Variants in TTC6 observed in about 807,000 individuals in gnomAD.
TTC6 encodes tetratricopeptide repeat domain 6.
TTC6 carries 172 observed loss-of-function variants against 210.4 expected under a neutral mutation model. That is an observed-to-expected ratio of 0.82 (90% CI 0.72 to 0.93). The LOEUF (loss-of-function observed/expected upper bound fraction) is 0.93, where lower values mean the gene tolerates loss of function less well. Ranked by LOEUF, TTC6 falls within the 40% of genes least tolerant of loss-of-function variation. The pLI is 0.00. For synonymous variants in TTC6, 804 were observed against 819.6 expected, an observed-to-expected ratio of 0.98 and a Z score of 0.32; for missense variants, 2,414 against 2,318.1, an observed-to-expected ratio of 1.04 and a Z score of -0.85.
intron 26 of TTC6, 148 bp downstream of exon 28, chr14:37,817,799 G>C: frequency 2.7e-6 from 2 of 738,790 alleles, no homozygotes; most frequent in Admixed American, 5.2e-5. Flanking sequence ...GGGACACAAA[G>C]AGTTCCCTGT....
At position 37,675,215 on chromosome 14, in the gene TTC6, C is replaced by T. The variant is rs142610048; in HGVS notation, c.940-4936C>T. Among the ~76,000 whole-genome samples, 161 of 152,218 alleles carry T rather than the reference C, an allele frequency of 1.1e-3. 2 individuals are homozygous for T. The East Asian group carries it at 0.03, about 28-fold the overall frequency. On this transcript the variant is annotated intron_variant, in intron 1 of 30. Coordinates refer to ENST00000553443, the Ensembl canonical transcript of TTC6. ...AAAAGGATACACTATACATGTTAAA[C>T]AGTCATTCGCCATTCCCTATACCCC...
At chr14:37,805,124 C>T (rs1286225167) in intron 21 of TTC6, among the ~76,000 whole-genome samples, 1 of 152,070 alleles carries the variant, frequency 6.6e-6, no homozygotes, top group Non-Finnish European at 1.5e-5. Flanking sequence ...TATGAGTTCA[C>T]TTATTAAATT....
intron 10 of TTC6, among the ~76,000 whole-genome samples, chr14:37,744,943 A>T (rs944586482): frequency 6.6e-6 from 1 of 152,084 alleles, no homozygotes; most frequent in Non-Finnish European, 1.5e-5. Flanking sequence ...GTTAGATTCT[A>T]GATAGATTTT....
chr14:37,643,519 T>C (rs1360806700), intron 1 of TTC6, among the ~76,000 whole-genome samples: 4 of 152,144 alleles, frequency 2.6e-5, no homozygotes, highest in African/African-American at 9.7e-5. Context: ...ATTGCTATGA[T>C]CACATGGCCA....
rs186836217 is a variant in TTC6, at chr14:37,822,238, T to C, written c.4764-1509T>C. On this transcript the variant is annotated intron_variant, in intron 26 of 30. Coordinates refer to ENST00000553443, the Ensembl canonical transcript of TTC6. Reference sequence around the variant, plus strand: ...CTTATGGTATTTAAATTAATTTGCTTTTAAAAATAAATATAGTTAAGTAAA... The same window carrying C: ...CTTATGGTATTTAAATTAATTTGCTCTTAAAAATAAATATAGTTAAGTAAA... Among the ~76,000 whole-genome samples, 29 of 152,314 alleles carry C rather than the reference T, an allele frequency of 1.9e-4. No homozygotes were observed. In the East Asian group the frequency reaches 4.6e-3, roughly 24 times the overall value.
chr14:37,680,206 C>T (rs1290885878), exon 2 of TTC6: 13 of 1,534,080 alleles, frequency 8.5e-6, no homozygotes, highest in Non-Finnish European at 1.1e-5. Flanking sequence ...CAAGCAGAAA[C>T]ACCTGAGATA....
intron 21 of TTC6, among the ~76,000 whole-genome samples, chr14:37,805,525 G>A (rs573181511): frequency 4.0e-4 from 61 of 151,662 alleles, no homozygotes; most frequent in African/African-American, 1.4e-3. Flanking sequence ...TGGTATAAAT[G>A]AAAAAAGAGG....
At chr14:37,662,687 T>C (rs1388216794) in intron 1 of TTC6, among the ~76,000 whole-genome samples, 1 of 152,178 alleles carries the variant, frequency 6.6e-6, no homozygotes, top group Non-Finnish European at 1.5e-5. Flanking sequence ...TCGCTTCTTG[T>C]TGTTAGCTTT....
At chr14:37,787,123 T>C (rs2096069604) in intron 14 of TTC6, among the ~76,000 whole-genome samples, 1 of 152,216 alleles carries the variant, frequency 6.6e-6, no homozygotes, top group African/African-American at 2.4e-5. Context: ...AGCAATTTTG[T>C]ATAAATTAGT....
Position 37,665,144 on chromosome 14 carries a change from C to T in TTC6, c.940-15007C>T, listed in dbSNP as rs537472286. ...ACCATTTGACCCAGCAATCCCATTA[C>T]GGGGTATATACCCAAAAGAATATAA... On this transcript the variant is annotated intron_variant, in intron 1 of 30. Transcript: ENST00000553443. Among the ~76,000 whole-genome samples the T allele has an allele frequency of 1.2e-3, 183 of 150,388 alleles. 14 individuals are homozygous for T. The Middle Eastern group carries it at 0.065, about 53-fold the overall frequency.
At chr14:37,727,426 C>T (rs926142675) in intron 7 of TTC6, among the ~76,000 whole-genome samples, 85 of 150,836 alleles carry the variant, frequency 5.6e-4, no homozygotes, top group Middle Eastern at 3.4e-3. Flanking sequence ...CCCGAGTAGC[C>T]GGGACTACAG....
In TTC6 at chr14:37,753,186, G is replaced by T. The variant is rs927742324; in HGVS notation, c.3217G>T (p.Glu1073Ter). 1.3e-6 allele frequency: 2 copies of T among 1,535,462 alleles called. No homozygotes were observed. Among genetic ancestry groups the T allele is most frequent in the Non-Finnish European group, 1.7e-6 (2 of 1,146,486 alleles). ...AAATGAAAACTGGTTTGCAGCCATA[G>T]AGGATTTTACAGCCTTGTTAAATAT... Residue 1073 changes from glutamate to a stop codon, truncating the protein, a stop_gained, in exon 14 of 31, where the codon GAG (glutamate) becomes TAG (stop). Transcript: ENST00000553443. LOFTEE classifies it high-confidence loss of function.
chr14:37,614,866 C>A (rs942976593), intron 2 of TTC6, among the ~76,000 whole-genome samples: 3 of 152,112 alleles, frequency 2.0e-5, no homozygotes, highest in Non-Finnish European at 4.4e-5. Context: ...CTTGCTTCAG[C>A]CTCCCACGTA....
At chr14:37,810,297 A>G (rs951238017) in intron 24 of TTC6, among the ~76,000 whole-genome samples, 13 of 152,250 alleles carry the variant, frequency 8.5e-5, no homozygotes, top group Admixed American at 8.5e-4. Context: ...AACCCTGAAT[A>G]GGAAAACAAT....
At chr14:37,816,923 C>T (rs1345332827) in intron 25 of TTC6, among the ~76,000 whole-genome samples, 1 of 152,146 alleles carries the variant, frequency 6.6e-6, no homozygotes, top group Non-Finnish European at 1.5e-5. Context: ...GGACTTAGCC[C>T]TTCCAGTGCT....
At chr14:37,694,533 A>G (rs998246598) in intron 3 of TTC6, among the ~76,000 whole-genome samples, 1 of 152,124 alleles carries the variant, frequency 6.6e-6, no homozygotes, top group Non-Finnish European at 1.5e-5. Flanking sequence ...TCAAAAAACT[A>G]AAAATAGAAC....
At chr14:37,640,473 A>G (rs2095689779) in intron 1 of TTC6, among the ~76,000 whole-genome samples, 1 of 152,174 alleles carries the variant, frequency 6.6e-6, no homozygotes, top group Admixed American at 6.5e-5. Flanking sequence ...ATCTCCTCCT[A>G]GTCCTCCACG....
At chr14:37,622,813 A>G in exon 1 of TTC6, 2 of 1,533,880 alleles carry the variant, frequency 1.3e-6, no homozygotes, top group Non-Finnish European at 1.7e-6. Context: ...GCCCAGGGAG[A>G]ACAGGAGAGC....
At position 37,760,664 on chromosome 14, in the gene TTC6, T is replaced by C. The variant is rs1164365424; in HGVS notation, c.3266+7429T>C. 5.3e-5 allele frequency among the ~76,000 whole-genome samples: 8 copies of C among 152,304 alleles called. No individual in the cohort carries two copies. In the East Asian group the frequency reaches 1.5e-3, roughly 29 times the overall value. ...CTGTCCCAGGGAGATGGGAGTTTTATCTATAAGCCCCTAACTGGGACTGCT... is the reference window on the plus strand; with the variant it reads ...CTGTCCCAGGGAGATGGGAGTTTTACCTATAAGCCCCTAACTGGGACTGCT... On this transcript the variant is annotated intron_variant, in intron 14 of 30. Coordinates refer to ENST00000553443, the Ensembl canonical transcript of TTC6.
Sources: gnomAD v4.1 joint callset for allele counts (sites outside exome capture counted in the v4.1 genomes callset) on GRCh38, gnomAD v4.1.1 for gene constraint, MANE v1.5 for transcripts, NCBI Gene and HGNC (gene_info 2026-07-23, HGNC 2026-07-21) for gene names.